RANBP2: variants seen among roughly 807,000 people sequenced by gnomAD.
RANBP2 encodes the protein E3 SUMO-protein ligase RanBP2.
RANBP2 carries 57 observed loss-of-function variants against 303.6 expected under a neutral mutation model. That is an observed-to-expected ratio of 0.19 (90% CI 0.15 to 0.23). The LOEUF (loss-of-function observed/expected upper bound fraction) is 0.23. Ranked by LOEUF, RANBP2 falls within the 10% of genes least tolerant of loss-of-function variation. The probability of loss-of-function intolerance (pLI) is 1.00; values close to 1 mark genes in which losing one functional copy is unlikely to be tolerated. For missense variants in RANBP2, 3,138 were observed against 3,780.8 expected (o/e 0.83, Z 4.46); for synonymous variants, 1,167 against 1,301.5 (o/e 0.90, Z 2.23).
chr2:109,081,876 G>A, the RANBP2 span, among the ~76,000 whole-genome samples: 2 of 152,356 alleles, frequency 1.3e-5, no homozygotes, highest in African/African-American at 2.4e-5. Context: ...CTGGGGTCTT[G>A]TCGGGGAGAT....
At chr2:109,504,214 T>C in the RANBP2 span, 53 of 152,242 alleles carry the variant, frequency 3.5e-4, no homozygotes, top group Non-Finnish European at 2.9e-5. Flanking sequence ...CTAACCCTTA[T>C]GTTTCATCCT....
intron 1 of RANBP2, among the ~76,000 whole-genome samples, chr2:108,727,170 T>C (rs925864055): frequency 5.3e-5 from 8 of 151,938 alleles, no homozygotes; most frequent in African/African-American, 1.7e-4. Flanking sequence ...GACGGGGTGG[T>C]GGCCGGGCAG....
chr2:109,541,461 TCC>T, the RANBP2 span, among the ~76,000 whole-genome samples: 1 of 152,102 alleles, frequency 6.6e-6, no homozygotes, highest in Non-Finnish European at 1.5e-5. Flanking sequence ...CCGGCCCAGC[TCC>T]CCCTGCCTGC....
At chr2:109,542,186 G>A in the RANBP2 span, among the ~76,000 whole-genome samples, 6 of 152,280 alleles carry the variant, frequency 3.9e-5, 1 homozygote, top group African/African-American at 1.4e-4. Context: ...TGTGCCTGAT[G>A]ATAAATTAGC....
the RANBP2 span, among the ~76,000 whole-genome samples, chr2:109,440,311 G>C: frequency 1.3e-5 from 2 of 152,140 alleles, no homozygotes; most frequent in African/African-American, 4.8e-5. Context: ...CTCTTGGGCC[G>C]CCGAGGCCAG....
At chr2:108,738,980 A>C (rs141480578) in intron 6 of RANBP2, among the ~76,000 whole-genome samples, 153 of 152,310 alleles carry the variant, frequency 1.0e-3, no homozygotes, top group African/African-American at 3.5e-3. Context: ...GCAAAAAAGT[A>C]GTCAGAAAGT....
At chr2:108,793,374 A>G in the RANBP2 span, among the ~76,000 whole-genome samples, 3 of 151,940 alleles carry the variant, frequency 2.0e-5, no homozygotes, top group Admixed American at 6.6e-5. Flanking sequence ...ACTGACCGAG[A>G]GCATTTTATA....
chr2:109,726,177 C>T, the RANBP2 span, among the ~76,000 whole-genome samples: 51 of 151,024 alleles, frequency 3.4e-4, no homozygotes, highest in African/African-American at 1.1e-3. Flanking sequence ...GGGAGGCTGA[C>T]GCAGGCGGAT....
chr2:109,508,424 G>T, the RANBP2 span, among the ~76,000 whole-genome samples: 2 of 152,140 alleles, frequency 1.3e-5, no homozygotes, highest in African/African-American at 4.8e-5. Context: ...CCCCAGGGCC[G>T]CTCCTCCAGG....
chr2:109,072,054 G>A, the RANBP2 span, among the ~76,000 whole-genome samples: 1 of 152,204 alleles, frequency 6.6e-6, no homozygotes, highest in Admixed American at 6.5e-5. Flanking sequence ...CTGAGGATGA[G>A]CTGCCTCTAG....
the RANBP2 span, among the ~76,000 whole-genome samples, chr2:109,547,378 T>C: frequency 6.6e-6 from 1 of 151,770 alleles, no homozygotes. Context: ...TGTTTTTTTT[T>C]TTTTTTTTTG....
chr2:109,578,564 C>T, the RANBP2 span, among the ~76,000 whole-genome samples: 3 of 152,018 alleles, frequency 2.0e-5, no homozygotes, highest in Admixed American at 6.6e-5. Flanking sequence ...GTCAGGAGTT[C>T]GAGGCCAGTC....
At chr2:109,657,387 G>A in the RANBP2 span, among the ~76,000 whole-genome samples, 1 of 152,150 alleles carries the variant, frequency 6.6e-6, no homozygotes, top group Non-Finnish European at 1.5e-5. Context: ...GGTTGAGGCT[G>A]CAGTGAACCG....
At chr2:109,053,385 C>G in the RANBP2 span, among the ~76,000 whole-genome samples, 1 of 152,216 alleles carries the variant, frequency 6.6e-6, no homozygotes, top group Non-Finnish European at 1.5e-5. Context: ...CTGCAGCATC[C>G]TGAGAGAGAG....
At chr2:109,314,085 G>A in the RANBP2 span, among the ~76,000 whole-genome samples, 2 of 152,100 alleles carry the variant, frequency 1.3e-5, no homozygotes, top group African/African-American at 4.8e-5. Context: ...CCCGGGGCAA[G>A]TGTGGACTTG....
At chr2:109,342,891 G>A in the RANBP2 span, among the ~76,000 whole-genome samples, 1 of 152,174 alleles carries the variant, frequency 6.6e-6, no homozygotes, top group Non-Finnish European at 1.5e-5. Flanking sequence ...GCCTTGCAGG[G>A]GTGGCTGATG....
At chr2:109,704,368 C>A in the RANBP2 span, among the ~76,000 whole-genome samples, 4 of 151,900 alleles carry the variant, frequency 2.6e-5, no homozygotes, top group Non-Finnish European at 5.9e-5. Flanking sequence ...GGCAACACGG[C>A]AAAACCTCAT....
the RANBP2 span, among the ~76,000 whole-genome samples, chr2:109,698,349 C>G: frequency 6.6e-6 from 1 of 151,412 alleles, no homozygotes; most frequent in African/African-American, 2.4e-5. Flanking sequence ...GCCTGTAGTC[C>G]CAGCTACTCA....
the RANBP2 span, among the ~76,000 whole-genome samples, chr2:108,938,582 C>A: frequency 6.6e-6 from 1 of 152,042 alleles, no homozygotes; most frequent in Non-Finnish European, 1.5e-5. Flanking sequence ...TATGTGTTCA[C>A]AATTTCATTT....
Sources: allele counts gnomAD v4.1 joint callset (sites outside exome capture counted in the v4.1 genomes callset), GRCh38; gene constraint gnomAD v4.1.1; transcripts MANE v1.5; gene names NCBI Gene and HGNC (gene_info 2026-07-23, HGNC 2026-07-21).